CLPTM1L: variants seen among roughly 807,000 people sequenced by gnomAD.
CLPTM1L encodes CLPTM1 like.
Under a neutral mutation model 70.9 loss-of-function variants are expected in CLPTM1L, and 38 were observed. That is an observed-to-expected ratio of 0.54 (90% confidence interval 0.41 to 0.70). The LOEUF is 0.70. Ranked by LOEUF, CLPTM1L falls within the 30% of genes least tolerant of loss-of-function variation. The pLI, the probability that CLPTM1L is intolerant of heterozygous loss-of-function variation, is 0.00. For synonymous variants in CLPTM1L, 339 were observed against 299.9 expected (o/e 1.13, Z -1.35); for missense variants, 652 against 705.9 (o/e 0.92, Z 0.87).
rs1247859164 is a variant in CLPTM1L, at chr5:1,341,745, C to G, written c.379G>C (p.Val127Leu). 1.2e-6 allele frequency: 2 copies of G among 1,613,924 alleles called. No homozygotes were observed. Among genetic ancestry groups the G allele is most frequent in the East Asian group, 4.5e-5 (2 of 44,880 alleles). ...PWHDGKQVHL[V>L]SPLTTYMVPK... ...ACCATGTAGGTGGTCAGAGGACTGA[C>G]CAGGTGCACCTGCTTCCCGTCGTGC... Residue 127 changes from valine (V) to leucine (L), a missense_variant, in exon 3 of 17, where the codon GTC becomes CTC. Coordinates refer to ENST00000320895, the MANE Select transcript of CLPTM1L (RefSeq NM_030782.5).
In CLPTM1L at chr5:1,344,594, GA is replaced by G. The variant is rs1191779109; in HGVS notation, c.162+85del. On this transcript the variant is annotated intron_variant, in intron 1 of 16. Transcript: ENST00000320895. ...TCTCGACTCGCGCGGCCACAGCTCC[GA>G]ACTGGGACGGGAAGGCGACGTCTGG... 56 of 1,487,796 alleles carry G rather than the reference GA, an allele frequency of 3.8e-5. 1 individual carries two copies. The East Asian group carries it at 1.4e-3, about 36-fold the overall frequency. The allele number at this position is 1,487,796 out of a possible 1,614,324, so 92.2% of individuals were successfully genotyped here.
At chr5:1,341,881 C>T (rs1753957525) in intron 2 of CLPTM1L, 21 bp from the exon 3 acceptor site, 1 of 1,581,020 alleles carries the variant, frequency 6.3e-7, no homozygotes. Flanking sequence ...ACAATCATTT[C>T]CACTACATAC....
intron 7 of CLPTM1L, among the ~76,000 whole-genome samples, chr5:1,333,098 TAAG>T (rs1253982353): frequency 1.5e-5 from 1 of 68,416 alleles, no homozygotes. Context: ...CGGATGAGGA[TAAG>T]GGGGGACTAC....
In CLPTM1L at chr5:1,341,619, C is replaced by T. The variant is rs181511541; in HGVS notation, c.453+52G>A. The T allele has an allele frequency of 6.6e-5, 98 of 1,484,364 alleles. 1 individual carries two copies. The African/African-American group carries it at 8.2e-4, about 12-fold the overall frequency. 91.9% of individuals were successfully genotyped at this position (1,484,364 alleles called of 1,614,324 possible). On this transcript the variant is annotated intron_variant, in intron 3 of 16. Transcript: ENST00000320895. ...CCACCTGTGTGGAGAAAGACATGTC[C>T]GTTCTGACGGAGAGGCACAGCCTGT... is the stretch of plus-strand genomic sequence containing the variant.
In CLPTM1L at chr5:1,329,994, A is replaced by G. The variant is rs557352058; in HGVS notation, c.1080+286T>C. Among the ~76,000 whole-genome samples, 71 of 136,396 alleles carry G rather than the reference A, an allele frequency of 5.2e-4. No individual in the cohort carries two copies. The South Asian group carries it at 9.5e-3, about 18-fold the overall frequency. The allele number at this position is 136,396 out of a possible 152,430, so 89.5% of individuals were successfully genotyped here. On this transcript the variant is annotated intron_variant, in intron 9 of 16. Transcript: ENST00000320895. Reference sequence around the variant, plus strand: ...GGACTCACCACTGCTTGGTGGACAGAGCCTCAGGACTATCTGCTTGGTGGA... The same window carrying G: ...GGACTCACCACTGCTTGGTGGACAGGGCCTCAGGACTATCTGCTTGGTGGA...
chr5:1,337,770 C>T lies in CLPTM1L; in HGVS notation c.678+134G>A, dbSNP rs1359767477. On this transcript the variant is annotated intron_variant, in intron 5 of 16. Coordinates refer to ENST00000320895, the MANE Select transcript of CLPTM1L (RefSeq NM_030782.5). ...AACCCTCGCACACTCGAAGGCAGTGCTTCCCAGCACGGGTAAAAGCACCGT... is the reference window on the plus strand; with the variant it reads ...AACCCTCGCACACTCGAAGGCAGTGTTTCCCAGCACGGGTAAAAGCACCGT... The T allele has an allele frequency of 8.0e-6, 6 of 753,254 alleles. No homozygotes were observed. The East Asian group carries it at 1.6e-4, about 20-fold the overall frequency. The allele number at this position is 753,254 out of a possible 1,614,324, so 46.7% of individuals were successfully genotyped here.
chr5:1,327,627 A>AGG, intron 9 of CLPTM1L, among the ~76,000 whole-genome samples: 1 of 149,506 alleles, frequency 6.7e-6, no homozygotes, highest in African/African-American at 2.5e-5. Flanking sequence ...CCTCCTCTAC[A>AGG]GACACATTCC....
At chr5:1,341,990 T>G in intron 2 of CLPTM1L, 130 bp from the exon 3 acceptor site, 2 of 662,114 alleles carry the variant, frequency 3.0e-6, no homozygotes, top group Non-Finnish European at 2.5e-6. Flanking sequence ...GAAACCCACC[T>G]GCCCAGGGCT....
chr5:1,338,035 A>G (rs1753692921), intron 4 of CLPTM1L, 53 bp from the exon 5 acceptor site: 4 of 1,395,132 alleles, frequency 2.9e-6, no homozygotes, highest in Admixed American at 1.9e-5. Context: ...TTACCTTTCA[A>G]TGAATGAACA....
chr5:1,324,935 G>A, intron 10 of CLPTM1L, 122 bp from the exon 11 acceptor site: 4 of 847,680 alleles, frequency 4.7e-6, no homozygotes, highest in South Asian at 1.4e-5. Flanking sequence ...TACAGAGGGC[G>A]CTCAGGTCCC....
Position 1,324,828 on chromosome 5 carries a change from A to G in CLPTM1L, c.1147-15T>C. On this transcript the variant is annotated splice_polypyrimidine_tract_variant and intron_variant, in intron 10 of 16. Coordinates refer to ENST00000320895, the MANE Select transcript of CLPTM1L (RefSeq NM_030782.5). Reference sequence around the variant, plus strand: ...TAAGTGCCAAACTGTTGTGAAATTCAACACAGTGATATTAATAGACTCAGG... The same window carrying G: ...TAAGTGCCAAACTGTTGTGAAATTCGACACAGTGATATTAATAGACTCAGG... The G allele has an allele frequency of 2.5e-6, 4 of 1,612,084 alleles. No individual in the cohort carries two copies. Among genetic ancestry groups the G allele is most frequent in the Non-Finnish European group, 3.4e-6 (4 of 1,178,134 alleles).
Position 1,345,029 on chromosome 5 carries a change from C to A in CLPTM1L, c.-188G>T. ...CCGGCCGCCCCGCATGCTCCGGCCCCGCTCCCACCTGGCGCCGCGGGATTC... is the reference window on the plus strand; with the variant it reads ...CCGGCCGCCCCGCATGCTCCGGCCCAGCTCCCACCTGGCGCCGCGGGATTC... On this transcript the variant is annotated 5_prime_UTR_variant, in exon 1 of 17. Coordinates refer to ENST00000320895, the MANE Select transcript of CLPTM1L (RefSeq NM_030782.5). 1 of 183,540 alleles carries A rather than the reference C, an allele frequency of 5.4e-6. No homozygotes were observed. The highest frequency in any genetic ancestry group is 1.6e-4 in the South Asian group (1 of 6,190). The allele number at this position is 183,540 out of a possible 1,614,324, so 11.4% of individuals were successfully genotyped here.
chr5:1,332,195 C>T, intron 7 of CLPTM1L: 1 of 356,312 alleles, frequency 2.8e-6, no homozygotes, highest in Non-Finnish European at 5.3e-6. Context: ...GCTGGGCACC[C>T]CTGCTCTCGG....
chr5:1,334,754 AAAACAAACAAAC>A (rs3030834), intron 6 of CLPTM1L, among the ~76,000 whole-genome samples: 15 of 151,230 alleles, frequency 9.9e-5, no homozygotes, highest in South Asian at 4.2e-4. Context: ...ACTCTGTCTC[AAAACAAACAAAC>A]AAACAAACAA....
At chr5:1,324,380 C>A (rs1362782087) in intron 11 of CLPTM1L, among the ~76,000 whole-genome samples, 1 of 152,254 alleles carries the variant, frequency 6.6e-6, no homozygotes, top group Non-Finnish European at 1.5e-5. Flanking sequence ...CCCTGTGCTG[C>A]TGGGGCCATT....
intron 9 of CLPTM1L, chr5:1,326,554 A>ACG (rs201248133): frequency 3.9e-5 from 7 of 180,262 alleles, no homozygotes; most frequent in East Asian, 1.7e-4. Flanking sequence ...CTCCTCCTCT[A>ACG]GACACATTCC....
At chr5:1,338,613 A>G (rs557534541) in intron 4 of CLPTM1L, among the ~76,000 whole-genome samples, 1 of 152,360 alleles carries the variant, frequency 6.6e-6, no homozygotes, top group Admixed American at 6.5e-5. Context: ...TTTTCTCTCC[A>G]TGGAAGCCTT....
In CLPTM1L at chr5:1,341,820, C is replaced by G; in HGVS notation, c.304G>C (p.Gly102Arg). 6.2e-7 allele frequency: 1 copy of G among 1,614,002 alleles called. No individual in the cohort carries two copies. Among genetic ancestry groups the G allele is most frequent in the Non-Finnish European group, 8.5e-7 (1 of 1,179,930 alleles). ...AGGAAGATGTAGGCATACAGCGTCC[C>G]ATTGTTTCTCGTTTTCTTTGGTACA... ...VSVPKKTRNNGTLYAYIFLHH... is the reference protein window; with the variant it reads ...VSVPKKTRNNRTLYAYIFLHH... The change falls in exon 3 of 17, where the codon GGG becomes CGG. Residue 102 changes from glycine to arginine, a missense_variant. By Grantham distance (125) the Gly-to-Arg change is moderately radical (BLOSUM62 -2). Around this residue, in one of 3 missense-constraint regions of CLPTM1L, gnomAD observed 402 missense variants for 388.2 expected, o/e 1.04. Coordinates refer to ENST00000320895, the MANE Select transcript of CLPTM1L (RefSeq NM_030782.5).
At chr5:1,335,241 C>G in intron 5 of CLPTM1L, 67 bp from the exon 6 acceptor site, 1 of 1,301,244 alleles carries the variant, frequency 7.7e-7, no homozygotes, top group Non-Finnish European at 1.1e-6. Context: ...TGGCAGCCCT[C>G]GCCAACCCTG....
Sources: gnomAD v4.1 joint callset for allele counts (sites outside exome capture counted in the v4.1 genomes callset) on GRCh38, gnomAD v4.1.1 for gene constraint, gnomAD v4.1.1 regional missense constraint, MANE v1.5 for transcripts, NCBI Gene and HGNC (gene_info 2026-07-23, HGNC 2026-07-21) for gene names.